The following VAC14 variants were observed in gnomAD, a reference collection of about 807,000 sequenced individuals.
The protein encoded by VAC14 is protein VAC14 homolog.
Under a neutral mutation model 85.3 loss-of-function variants are expected in VAC14, and 47 were observed. That is an observed-to-expected ratio of 0.55 (90% confidence interval 0.44 to 0.70). The LOEUF is 0.70. Among genes scored for constraint, VAC14 ranks in the 30% least tolerant of loss-of-function variants. The pLI, the probability that VAC14 is intolerant of heterozygous loss-of-function variation, is 0.00. For missense variants in VAC14, 861 were observed against 1,004.3 expected (o/e 0.86, Z 1.93); for synonymous variants, 447 against 430.5 (o/e 1.04, Z -0.47).
chr16:70,697,369 CG>C, intron 15 of VAC14, 112 bp from the exon 16 acceptor site: 1 of 791,708 alleles, frequency 1.3e-6, no homozygotes, highest in Non-Finnish European at 2.0e-6. Context: ...GGCCTTCAGT[CG>C]GGGGCAGCCA....
chr16:70,697,359 G>C, intron 15 of VAC14, 102 bp from the exon 16 acceptor site: 1 of 927,606 alleles, frequency 1.1e-6, no homozygotes, highest in South Asian at 1.6e-5. Flanking sequence ...AAGTCCCAGG[G>C]GCCTTCAGTC....
intron 18 of VAC14, chr16:70,691,124 G>A: frequency 2.0e-6 from 2 of 985,508 alleles, no homozygotes; most frequent in African/African-American, 1.7e-5. Context: ...GAGATTCTGA[G>A]GAAAGCCTCA....
intron 14 of VAC14, chr16:70,714,505 G>T (rs1551526): frequency 0.36 from 54,927 of 151,968 alleles, 12,953 homozygotes; most frequent in Non-Finnish European, 0.51. Context: ...GTAGGTGGGG[G>T]TCTTCTTCAG....
chr16:70,767,055 A>C (rs2032868883), intron 10 of VAC14, among the ~76,000 whole-genome samples: 1 of 151,866 alleles, frequency 6.6e-6, no homozygotes, highest in Non-Finnish European at 1.5e-5. Context: ...TAGACGAGTC[A>C]CTCCTGGGGG....
At position 70,731,170 on chromosome 16, in the gene VAC14, C is replaced by G. The variant is rs1034503283; in HGVS notation, c.1661+325G>C. On this transcript the variant is annotated intron_variant, in intron 14 of 18. Coordinates refer to ENST00000261776, the MANE Select transcript of VAC14 (RefSeq NM_018052.5). ...AGCACAGCCCCATGTCCCACGCCAT[C>G]TGGCTCACCTCCTTTCCTCTCCAAA... 5 of 634,498 alleles carry G rather than the reference C, an allele frequency of 7.9e-6. No individual in the cohort carries two copies. In the African/African-American group the frequency reaches 9.7e-5, roughly 12 times the overall value. 39.3% of individuals were successfully genotyped at this position (634,498 alleles called of 1,614,324 possible). A position where few individuals can be genotyped will look rare whatever the true frequency, so the allele number is the denominator to read the frequency against.
In VAC14 at chr16:70,783,241, G is replaced by A. The variant is rs556323016; in HGVS notation, c.705-102C>T. ...GTGCTGGGTCAGCCACCCAGAGGGCGGCTTGGCTTTTGGACTTGTCAGGTG... is the reference window on the plus strand; with the variant it reads ...GTGCTGGGTCAGCCACCCAGAGGGCAGCTTGGCTTTTGGACTTGTCAGGTG... On this transcript the variant is annotated intron_variant, in intron 6 of 18. Transcript: ENST00000261776. 201 of 1,319,992 alleles carry A rather than the reference G, an allele frequency of 1.5e-4. 1 individual carries two copies. The South Asian group carries it at 2.1e-3, about 14-fold the overall frequency. 81.8% of individuals were successfully genotyped at this position (1,319,992 alleles called of 1,614,324 possible).
intron 14 of VAC14, among the ~76,000 whole-genome samples, chr16:70,722,699 G>C (rs1176697958): frequency 1.9e-4 from 29 of 152,164 alleles, no homozygotes. Context: ...GTCTGTCCTG[G>C]CTCAGATGCA....
At chr16:70,752,656 G>A (rs368411020) in intron 12 of VAC14, among the ~76,000 whole-genome samples, 59 of 152,334 alleles carry the variant, frequency 3.9e-4, no homozygotes, top group African/African-American at 1.1e-3. Flanking sequence ...CCAGGGCCCC[G>A]CTTCATTGTG....
chr16:70,750,595 G>C lies in VAC14; in HGVS notation c.1372-6016C>G, dbSNP rs144969417. 2.6e-5 allele frequency among the ~76,000 whole-genome samples: 4 copies of C among 152,168 alleles called. No homozygotes were observed. The East Asian group carries it at 7.8e-4, about 30-fold the overall frequency. On this transcript the variant is annotated intron_variant, in intron 12 of 18. Transcript: ENST00000261776. ...CTGGAGGGGGTGCTCAGGGCGAGGG[G>C]AGAGGGCTTTTTGCCTTCCACGGTG...
At position 70,715,946 on chromosome 16, in the gene VAC14, T is replaced by C. The variant is rs572066457; in HGVS notation, c.1661+15549A>G. The C allele has an allele frequency of 3.3e-5, 5 of 152,390 alleles. No homozygotes were observed. In the South Asian group the frequency reaches 1.0e-3, roughly 32 times the overall value. The allele number at this position is 152,390 out of a possible 1,614,324, so 9.4% of individuals were successfully genotyped here. A position where few individuals can be genotyped will look rare whatever the true frequency, so the allele number is the denominator to read the frequency against. ...AACAAGGTCACAAATGCGCTGGCTC[T>C]ATAGATTTTTGGCTCCAAACCACAT... On this transcript the variant is annotated intron_variant, in intron 14 of 18. Transcript: ENST00000261776.
At position 70,728,217 on chromosome 16, in the gene VAC14, C is replaced by T. The variant is rs192318267; in HGVS notation, c.1661+3278G>A. Among the ~76,000 whole-genome samples the T allele has an allele frequency of 9.8e-4, 149 of 152,210 alleles. 1 individual carries two copies. In the Middle Eastern group the frequency reaches 0.024, roughly 24 times the overall value. On this transcript the variant is annotated intron_variant, in intron 14 of 18. Transcript: ENST00000261776. ...CCCAGAAGAGCAAGCGATCGCCATA[C>T]TGAGCCCCTGGAGGGTGGGAAGGGA... is the stretch of plus-strand genomic sequence containing the variant.
At chr16:70,760,974 T>G (rs1333973318) in intron 12 of VAC14, among the ~76,000 whole-genome samples, 3 of 94,190 alleles carry the variant, frequency 3.2e-5, no homozygotes, top group African/African-American at 2.0e-4. Flanking sequence ...TGTGTGTGTG[T>G]GTGTGTGTGT....
At chr16:70,689,920 G>A (rs2053566853) in intron 18 of VAC14, 4 of 985,386 alleles carry the variant, frequency 4.1e-6, no homozygotes, top group Non-Finnish European at 3.6e-6. Flanking sequence ...AGTCCAGGGT[G>A]TGGCCAGACG....
In VAC14 at chr16:70,762,313, G is replaced by A. The variant is rs190317025; in HGVS notation, c.1371+227C>T. ...AGTAGAGACGGAGTTTCACCATGTT[G>A]GCCAGGCTAGTCTCGAACTCCTGGC... On this transcript the variant is annotated intron_variant, in intron 12 of 18. Transcript: ENST00000261776. This position sits in a 1 kb window ranked among gnomAD's most constrained non-coding sequence, Gnocchi z 4.1. Among the ~76,000 whole-genome samples the A allele has an allele frequency of 8.0e-4, 121 of 152,194 alleles. 1 individual carries two copies. The highest frequency in any genetic ancestry group is 2.8e-3 in the African/African-American group (117 of 41,520).
At chr16:70,768,135 C>T (rs903151753) in intron 10 of VAC14, among the ~76,000 whole-genome samples, 1 of 152,208 alleles carries the variant, frequency 6.6e-6, no homozygotes, top group Non-Finnish European at 1.5e-5. Context: ...ACCAGCCTGC[C>T]TTGGCCTCCC....
intron 13 of VAC14, among the ~76,000 whole-genome samples, chr16:70,738,456 G>T (rs2029924053): frequency 6.6e-6 from 1 of 152,212 alleles, no homozygotes; most frequent in Non-Finnish European, 1.5e-5. Context: ...GCCCAGTGGG[G>T]ACTTCCAGCT....
intron 14 of VAC14, among the ~76,000 whole-genome samples, chr16:70,718,399 C>A (rs954454996): frequency 6.6e-6 from 1 of 151,940 alleles, no homozygotes. Flanking sequence ...GGTGAAACCC[C>A]GTCTCTACTA....
chr16:70,794,175 T>C (rs2034447061), intron 1 of VAC14, among the ~76,000 whole-genome samples: 1 of 152,182 alleles, frequency 6.6e-6, no homozygotes, highest in South Asian at 2.1e-4. Context: ...TTTTAGAGTG[T>C]AGGTGTCAGC....
chr16:70,767,038 A>G (rs2032867958), intron 10 of VAC14, among the ~76,000 whole-genome samples: 1 of 152,222 alleles, frequency 6.6e-6, no homozygotes, highest in Non-Finnish European at 1.5e-5. Flanking sequence ...ATCAGTTCCA[A>G]AAAGTCTAGA....
Sources: gnomAD v4.1 joint callset for allele counts (sites outside exome capture counted in the v4.1 genomes callset) on GRCh38, gnomAD v4.1.1 for gene constraint, Gnocchi (gnomAD v3.1) non-coding constraint, MANE v1.5 for transcripts, NCBI Gene and HGNC (gene_info 2026-07-23, HGNC 2026-07-21) for gene names.